EGFR: variants seen among roughly 807,000 people sequenced by gnomAD.
EGFR encodes the protein epidermal growth factor receptor.
A neutral mutation model predicts 143.0 loss-of-function variants in EGFR; 58 were observed. The observed-to-expected ratio is 0.41, with a 90% CI of 0.33 to 0.50. The LOEUF is 0.50. Among genes scored for constraint, EGFR ranks in the 20% least tolerant of loss-of-function variants. EGFR has a pLI of 0.39. For synonymous variants in EGFR, 613 were observed against 594.4 expected (o/e 1.03, Z -0.45); for missense variants, 1,307 against 1,579.0 (o/e 0.83, Z 2.92).
intron 1 of EGFR, among the ~76,000 whole-genome samples, chr7:55,044,437 A>T (rs1247467992): frequency 6.6e-6 from 1 of 152,206 alleles, no homozygotes; most frequent in East Asian, 1.9e-4. Flanking sequence ...AACCTAGAAA[A>T]AGAAATGAAA....
intron 1 of EGFR, among the ~76,000 whole-genome samples, chr7:55,114,123 T>G (rs1023152101): frequency 1.3e-5 from 2 of 152,242 alleles, no homozygotes; most frequent in East Asian, 3.8e-4. Flanking sequence ...TAGAAAAGCA[T>G]GTTATAGTAA....
chr7:55,129,863 A>G (rs1793735003), intron 1 of EGFR, among the ~76,000 whole-genome samples: 1 of 152,246 alleles, frequency 6.6e-6, no homozygotes, highest in African/African-American at 2.4e-5. Context: ...GCTCCTCATC[A>G]CATACTTCCT....
At chr7:55,181,586 G>A (rs961935990) in intron 20 of EGFR, 108 bp downstream of exon 20, 28 of 1,270,276 alleles carry the variant, frequency 2.2e-5, no homozygotes, top group East Asian at 1.6e-4. Flanking sequence ...ATGTGTGTGC[G>A]TGCATGCAGC....
At chr7:55,159,230 C>A (rs1785577558) in intron 11 of EGFR, among the ~76,000 whole-genome samples, 1 of 152,110 alleles carries the variant, frequency 6.6e-6, no homozygotes, top group African/African-American at 2.4e-5. Context: ...GTTCTCACAC[C>A]CATCGTGGTC....
At chr7:55,079,738 A>G (rs1051745821) in intron 1 of EGFR, among the ~76,000 whole-genome samples, 2 of 151,954 alleles carry the variant, frequency 1.3e-5, no homozygotes, top group Non-Finnish European at 2.9e-5. Context: ...TTCCCACGGA[A>G]CCTTAAGACC....
intron 1 of EGFR, among the ~76,000 whole-genome samples, chr7:55,122,624 T>A (rs1187318907): frequency 2.6e-5 from 4 of 152,222 alleles, no homozygotes; most frequent in Non-Finnish European, 5.9e-5. Flanking sequence ...TCTCTGTGCC[T>A]TCTCACTCTC....
chr7:55,019,629 A>T (rs1175790459), intron 1 of EGFR, among the ~76,000 whole-genome samples: 2 of 151,886 alleles, frequency 1.3e-5, no homozygotes, highest in Admixed American at 6.5e-5. Context: ...GGCCGCCGGG[A>T]CCTCCGGCGC....
chr7:55,191,638 C>A (rs2128964180), intron 20 of EGFR, 81 bp from the exon 21 acceptor site: 2 of 1,586,744 alleles, frequency 1.3e-6, no homozygotes, highest in South Asian at 1.1e-5. Flanking sequence ...CAGAGCCTGG[C>A]ATGAACATGA....
At chr7:55,134,340 A>C (rs1794020813) in intron 1 of EGFR, among the ~76,000 whole-genome samples, 1 of 151,912 alleles carries the variant, frequency 6.6e-6, no homozygotes, top group Non-Finnish European at 1.5e-5. Flanking sequence ...CTCAGGACTC[A>C]GCGAGGCCCA....
intron 14 of EGFR, 133 bp downstream of exon 14, chr7:55,163,956 G>A (rs1785838213): frequency 3.1e-6 from 3 of 955,526 alleles, no homozygotes; most frequent in Admixed American, 3.7e-5. Flanking sequence ...GGAGACGGCA[G>A]GCGCTGACAG....
intron 27 of EGFR, 23 bp downstream of exon 27, chr7:55,202,648 G>C (rs2128973242): frequency 6.3e-7 from 1 of 1,595,584 alleles, no homozygotes; most frequent in Non-Finnish European, 8.5e-7. Context: ...TCTGGAAACA[G>C]TCCTGCTCCT....
At chr7:55,083,444 C>T (rs181879407) in intron 1 of EGFR, among the ~76,000 whole-genome samples, 9 of 152,306 alleles carry the variant, frequency 5.9e-5, no homozygotes, top group Admixed American at 1.3e-4. Context: ...CTGTAACAGA[C>T]GCCTGACGTC....
At chr7:55,140,766 T>C (rs1794413598) in intron 1 of EGFR, among the ~76,000 whole-genome samples, 1 of 152,212 alleles carries the variant, frequency 6.6e-6, no homozygotes, top group South Asian at 2.1e-4. Flanking sequence ...TTGTCAACTG[T>C]CATGGTTCCC....
At chr7:55,174,169 T>G in intron 18 of EGFR, 126 bp downstream of exon 18, 1 of 1,361,390 alleles carries the variant, frequency 7.3e-7, no homozygotes, top group Non-Finnish European at 1.0e-6. Context: ...ACTGAGTGTT[T>G]GGGAAACTCC....
chr7:55,088,459 G>A (rs748584985), intron 1 of EGFR, among the ~76,000 whole-genome samples: 1 of 152,182 alleles, frequency 6.6e-6, no homozygotes, highest in Non-Finnish European at 1.5e-5. Flanking sequence ...GTAAAGCCCT[G>A]GTCACACTTC....
At chr7:55,087,143 G>A (rs944739839) in intron 1 of EGFR, among the ~76,000 whole-genome samples, 7 of 152,020 alleles carry the variant, frequency 4.6e-5, no homozygotes, top group Admixed American at 3.3e-4. Flanking sequence ...ACCACAAGCG[G>A]GGGGAAGAGA....
At chr7:55,153,221 G>A (rs1169825285) in intron 6 of EGFR, among the ~76,000 whole-genome samples, 3 of 152,204 alleles carry the variant, frequency 2.0e-5, no homozygotes, top group African/African-American at 7.2e-5. Flanking sequence ...CCCTCAAGGG[G>A]TCCTGAAGTA....
chr7:55,173,102 G>T lies in EGFR; in HGVS notation c.2039G>T (p.Arg680Leu), dbSNP rs373336251. 1 of 1,611,706 alleles carries T rather than the reference G, an allele frequency of 6.2e-7. No homozygotes were observed. ...RRHIVRKRTLRRLLQERELVE... is the reference protein window; with the variant it reads ...RRHIVRKRTLLRLLQERELVE... Reference sequence around the variant, plus strand: ...CACATCGTTCGGAAGCGCACGCTGCGGAGGCTGCTGCAGGAGAGGGAGGTG... The same window carrying T: ...CACATCGTTCGGAAGCGCACGCTGCTGAGGCTGCTGCAGGAGAGGGAGGTG... Residue 680 changes from arginine to leucine, a missense_variant, in exon 17 of 28, where the codon CGG (arginine) becomes CTG (leucine). Coordinates refer to ENST00000275493, the MANE Select transcript of EGFR (RefSeq NM_005228.5).
chr7:55,089,112 A>C (rs1162506460), intron 1 of EGFR, among the ~76,000 whole-genome samples: 1 of 152,216 alleles, frequency 6.6e-6, no homozygotes, highest in East Asian at 1.9e-4. Flanking sequence ...ATTTTTGTAT[A>C]TATGAGCTTA....
Sources: gnomAD v4.1 joint callset for allele counts (sites outside exome capture counted in the v4.1 genomes callset) on GRCh38, gnomAD v4.1.1 for gene constraint, MANE v1.5 for transcripts, NCBI Gene and HGNC (gene_info 2026-07-23, HGNC 2026-07-21) for gene names.